Variants in ZNF521 observed in about 807,000 individuals in gnomAD.
ZNF521 encodes the protein LYST-interacting protein 3.
A neutral mutation model predicts 105.5 loss-of-function variants in ZNF521; 14 were observed. The ratio of observed to expected loss-of-function variants is 0.13; its 90% CI spans 0.09 to 0.21. ZNF521 has a LOEUF of 0.21. ZNF521 is among the 10% of genes least tolerant of loss of function. The pLI, the probability that ZNF521 is intolerant of heterozygous loss-of-function variation, is 1.00. For missense variants in ZNF521, 1,233 were observed against 1,629.7 expected, an observed-to-expected ratio of 0.76 and a Z score of 4.19; for synonymous variants, 635 against 606.0, an observed-to-expected ratio of 1.05 and a Z score of -0.70.
At chr18:25,065,782 G>A (rs2033043130) in intron 7 of ZNF521, among the ~76,000 whole-genome samples, 1 of 152,168 alleles carries the variant, frequency 6.6e-6, no homozygotes, top group Non-Finnish European at 1.5e-5. Flanking sequence ...ATATCAAGAT[G>A]CTACAAGAAC....
intron 3 of ZNF521, among the ~76,000 whole-genome samples, chr18:25,230,620 CA>C (rs1479001840): frequency 6.6e-6 from 1 of 152,190 alleles, no homozygotes; most frequent in Non-Finnish European, 1.5e-5. Context: ...TCTTTCAACT[CA>C]GGTTCCTGAA....
rs367580254 is a variant in ZNF521, at chr18:25,225,707, A to C, written c.2211T>G (p.Ile737Met). 43 of 1,614,206 alleles carry C rather than the reference A, an allele frequency of 2.7e-5. No individual in the cohort carries two copies. The Admixed American group carries it at 2.7e-4, about 10-fold the overall frequency. The change falls in exon 4 of 8, where the codon ATT becomes ATG. Residue 737 changes from isoleucine to methionine, a missense_variant. Physicochemically the swap from Ile to Met is conservative, Grantham distance 10. Transcript: ENST00000361524. The surrounding 1 kb of genome is among the most constrained non-coding windows in gnomAD (Gnocchi z 5.6). ...CQEVFDSKVS[I>M]QLHLAVKHSN... ...TGTGCTTCACAGCCAAGTGGAGCTGAATGGAGACTTTTGAGTCAAAAACTT... is the reference window on the plus strand; with the variant it reads ...TGTGCTTCACAGCCAAGTGGAGCTGCATGGAGACTTTTGAGTCAAAAACTT...
intron 2 of ZNF521, among the ~76,000 whole-genome samples, chr18:25,332,348 A>C (rs1359893787): frequency 3.9e-4 from 7 of 18,104 alleles, no homozygotes; most frequent in Non-Finnish European, 7.7e-4. Flanking sequence ...AGATCACAGC[A>C]AAAAAAAAAA....
At chr18:25,336,123 G>A (rs1204082053) in intron 2 of ZNF521, among the ~76,000 whole-genome samples, 1 of 152,174 alleles carries the variant, frequency 6.6e-6, no homozygotes, top group Non-Finnish European at 1.5e-5. Context: ...GCCAGGCATG[G>A]ATGGGAGTTA....
intron 4 of ZNF521, among the ~76,000 whole-genome samples, chr18:25,208,986 G>C (rs978662565): frequency 6.6e-6 from 1 of 152,110 alleles, no homozygotes; most frequent in African/African-American, 2.4e-5. Context: ...ATAATCCTTA[G>C]ATCTATCTTA....
intron 5 of ZNF521, among the ~76,000 whole-genome samples, chr18:25,134,529 C>T (rs553265925): frequency 1.1e-4 from 16 of 152,110 alleles, no homozygotes; most frequent in African/African-American, 3.6e-4. Flanking sequence ...CTTCTACTAC[C>T]TGCCCAAACT....
At chr18:25,208,733 T>C (rs193265658) in intron 4 of ZNF521, among the ~76,000 whole-genome samples, 226 of 152,330 alleles carry the variant, frequency 1.5e-3, no homozygotes, top group East Asian at 1.5e-3. Context: ...AAAACCAACT[T>C]GTTACACTGT....
chr18:25,256,207 G>A (rs992179624), intron 3 of ZNF521, among the ~76,000 whole-genome samples: 1 of 151,878 alleles, frequency 6.6e-6, no homozygotes, highest in Non-Finnish European at 1.5e-5. Flanking sequence ...ACCTAGAGTA[G>A]TCAAATTCAT....
intron 5 of ZNF521, among the ~76,000 whole-genome samples, chr18:25,151,634 C>A (rs955527941): frequency 5.9e-5 from 9 of 152,114 alleles, no homozygotes; most frequent in Non-Finnish European, 2.9e-5. Flanking sequence ...AACTCTTTCC[C>A]TCTGCACCCC....
intron 5 of ZNF521, among the ~76,000 whole-genome samples, chr18:25,132,455 C>T (rs936479708): frequency 1.5e-4 from 23 of 152,112 alleles, no homozygotes; most frequent in African/African-American, 4.8e-4. Context: ...AAAATAAATA[C>T]TTTAATTTCA....
At chr18:25,143,997 CTT>C (rs1183045005) in intron 5 of ZNF521, among the ~76,000 whole-genome samples, 1 of 152,100 alleles carries the variant, frequency 6.6e-6, no homozygotes, top group African/African-American at 2.4e-5. Context: ...CTCTGTCTCT[CTT>C]GTTTTTCTCA....
At chr18:25,085,588 T>C (rs112949530) in intron 7 of ZNF521, among the ~76,000 whole-genome samples, 16 of 151,934 alleles carry the variant, frequency 1.1e-4, no homozygotes, top group Admixed American at 5.9e-4. Context: ...TGTACATACA[T>C]AGTGTATGTA....
intron 2 of ZNF521, among the ~76,000 whole-genome samples, chr18:25,325,840 T>G (rs1308981293): frequency 6.6e-6 from 1 of 152,228 alleles, no homozygotes; most frequent in Non-Finnish European, 1.5e-5. Flanking sequence ...TTAACATTAC[T>G]TATAAATAGG....
chr18:25,111,129 A>G (rs534641442), intron 5 of ZNF521, among the ~76,000 whole-genome samples: 2 of 152,152 alleles, frequency 1.3e-5, no homozygotes, highest in Admixed American at 1.3e-4. Context: ...GACAAGCAGA[A>G]AAACGGTGCC....
chr18:25,255,465 T>A (rs1908414770), intron 3 of ZNF521, among the ~76,000 whole-genome samples: 1 of 152,126 alleles, frequency 6.6e-6, no homozygotes, highest in African/African-American at 2.4e-5. Context: ...TGCTCTTGGG[T>A]TCTCGTTTTT....
chr18:25,205,690 A>G (rs926820068), intron 4 of ZNF521, among the ~76,000 whole-genome samples: 6 of 152,176 alleles, frequency 3.9e-5, no homozygotes, highest in Non-Finnish European at 7.4e-5. Context: ...ATCCCACCAT[A>G]AACTAGGAAA....
intron 3 of ZNF521, among the ~76,000 whole-genome samples, chr18:25,294,474 T>G (rs1794863499): frequency 6.6e-6 from 1 of 152,202 alleles, no homozygotes; most frequent in Non-Finnish European, 1.5e-5. Flanking sequence ...AACTCTGTTT[T>G]TCACCATGTG....
At chr18:25,084,204 T>C (rs982715101) in intron 7 of ZNF521, among the ~76,000 whole-genome samples, 11 of 139,966 alleles carry the variant, frequency 7.9e-5, no homozygotes, top group Admixed American at 2.7e-4. Context: ...TCACATATTA[T>C]TTAATAATGT....
chr18:25,250,990 A>C (rs1364910536), intron 3 of ZNF521, among the ~76,000 whole-genome samples: 7 of 152,216 alleles, frequency 4.6e-5, no homozygotes, highest in African/African-American at 1.7e-4. Flanking sequence ...GACATCATGT[A>C]AACGAAACAC....
Sources: gnomAD v4.1 joint callset for allele counts (sites outside exome capture counted in the v4.1 genomes callset) on GRCh38, gnomAD v4.1.1 for gene constraint, Gnocchi (gnomAD v3.1) non-coding constraint, MANE v1.5 for transcripts, NCBI Gene and HGNC (gene_info 2026-07-23, HGNC 2026-07-21) for gene names.